The following TANC2 variants were observed in gnomAD, a reference collection of about 807,000 sequenced individuals.
TANC2 encodes tetratricopeptide repeat, ankyrin repeat and coiled-coil containing 2.
In TANC2, 26 loss-of-function variants were observed where a neutral mutation model predicts 210.5. The observed-to-expected ratio is 0.12, with a 90% CI of 0.09 to 0.17. TANC2 has a LOEUF of 0.17. Among genes scored for constraint, TANC2 ranks in the 10% least tolerant of loss-of-function variants. TANC2 has a pLI of 1.00. For synonymous variants in TANC2, 931 were observed against 967.1 expected, an observed-to-expected ratio of 0.96 and a Z score of 0.69; for missense variants, 2,129 against 2,608.9, an observed-to-expected ratio of 0.82 and a Z score of 4.01.
chr17:63,287,220 A>G (rs920042361), intron 9 of TANC2, among the ~76,000 whole-genome samples: 2 of 152,308 alleles, frequency 1.3e-5, no homozygotes, highest in East Asian at 1.9e-4. Context: ...GGTGTGAGTC[A>G]CTGCACCCGC....
At chr17:63,219,562 C>T (rs1433030503) in intron 7 of TANC2, among the ~76,000 whole-genome samples, 1 of 152,194 alleles carries the variant, frequency 6.6e-6, no homozygotes, top group Non-Finnish European at 1.5e-5. Context: ...AGGCACATGC[C>T]ACCATGCCCG....
At chr17:63,110,060 C>T (rs2037975830) in intron 4 of TANC2, among the ~76,000 whole-genome samples, 1 of 151,676 alleles carries the variant, frequency 6.6e-6, no homozygotes, top group African/African-American at 2.4e-5. Context: ...TGAAAATGGG[C>T]ATGAGATTAC....
chr17:63,353,895 C>T (rs2046699669), intron 13 of TANC2, among the ~76,000 whole-genome samples: 1 of 151,978 alleles, frequency 6.6e-6, no homozygotes, highest in African/African-American at 2.4e-5. Context: ...ATGCCCTTGA[C>T]AAGAACCATT....
intron 14 of TANC2, among the ~76,000 whole-genome samples, chr17:63,372,092 C>G (rs570755610): frequency 2.0e-5 from 3 of 152,334 alleles, no homozygotes; most frequent in African/African-American, 7.2e-5. Flanking sequence ...GACCTGTGAT[C>G]AACTTTCTCC....
intron 4 of TANC2, among the ~76,000 whole-genome samples, chr17:63,112,841 G>C (rs929011693): frequency 4.6e-5 from 7 of 152,164 alleles, no homozygotes; most frequent in Non-Finnish European, 7.3e-5. Context: ...TTGGGTATCA[G>C]TTTTAAACAT....
chr17:63,007,069 A>G (rs977457061), intron 1 of TANC2, among the ~76,000 whole-genome samples: 1 of 151,692 alleles, frequency 6.6e-6, no homozygotes, highest in Admixed American at 6.6e-5. Flanking sequence ...TTAAAAAAAA[A>G]ATGAGAAAAA....
At chr17:63,363,041 CCTGT>C (rs1417293300) in intron 14 of TANC2, among the ~76,000 whole-genome samples, 1 of 152,158 alleles carries the variant, frequency 6.6e-6, no homozygotes, top group Non-Finnish European at 1.5e-5. Context: ...TTGTTAATTG[CCTGT>C]CTTTTGGATA....
At position 63,418,377 on chromosome 17, in the gene TANC2, A is replaced by G. The variant is rs1187944657; in HGVS notation, c.4238A>G (p.Tyr1413Cys). 1.9e-6 allele frequency: 3 copies of G among 1,612,928 alleles called. No individual in the cohort carries two copies. The highest frequency in any genetic ancestry group is 1.1e-5 in the South Asian group (1 of 90,560). ...AAACCGAAATCTTATGAAGCTTACT[A>G]TGCGAGAGCAAGGGCAAAACGCAGC... The change falls in exon 27 of 28, where the codon TAT becomes TGT. Residue 1413 changes from tyrosine (Y) to cysteine (C), a missense_variant. Around this residue, in one of 5 missense-constraint regions of TANC2, gnomAD observed 644 missense variants for 937.5 expected, o/e 0.69. Coordinates refer to ENST00000689528, the Ensembl canonical transcript of TANC2. The surrounding 1 kb of genome is among the most constrained non-coding windows in gnomAD (Gnocchi z 4.6).
At chr17:63,036,834 C>CTA (rs527874353) in intron 2 of TANC2, among the ~76,000 whole-genome samples, 81 of 149,482 alleles carry the variant, frequency 5.4e-4, no homozygotes, top group African/African-American at 2.0e-3. Flanking sequence ...TTTCATTAGA[C>CTA]TTACATGTAA....
At chr17:63,257,417 G>C (rs533073959) in intron 8 of TANC2, among the ~76,000 whole-genome samples, 2 of 152,080 alleles carry the variant, frequency 1.3e-5, no homozygotes, top group Admixed American at 1.3e-4. Context: ...GAGTGCAGTG[G>C]CGTGTTCTTA....
At chr17:63,207,018 C>A (rs1306019537) in intron 7 of TANC2, among the ~76,000 whole-genome samples, 1 of 151,926 alleles carries the variant, frequency 6.6e-6, no homozygotes, top group Non-Finnish European at 1.5e-5. Flanking sequence ...ATGCTAAAGC[C>A]TTCTTCTGTA....
intron 8 of TANC2, among the ~76,000 whole-genome samples, chr17:63,261,271 A>G (rs1348234963): frequency 6.6e-6 from 1 of 152,150 alleles, no homozygotes; most frequent in Non-Finnish European, 1.5e-5. Flanking sequence ...ATCATTAACT[A>G]GGTTTAAAGA....
intron 1 of TANC2, among the ~76,000 whole-genome samples, chr17:63,006,164 C>T (rs1014683770): frequency 2.7e-4 from 41 of 151,742 alleles, no homozygotes; most frequent in African/African-American, 9.2e-4. Flanking sequence ...TTTCTTTTTT[C>T]TTTCCTCAAT....
intron 9 of TANC2, among the ~76,000 whole-genome samples, chr17:63,297,103 C>T (rs2044559965): frequency 6.6e-6 from 1 of 152,136 alleles, no homozygotes; most frequent in Non-Finnish European, 1.5e-5. Flanking sequence ...CTTCTATATA[C>T]TGTATTAATG....
At position 63,341,535 on chromosome 17, in the gene TANC2, A is replaced by G. The variant is rs1567932551; in HGVS notation, c.1807+1203A>G. Among the ~76,000 whole-genome samples the G allele has an allele frequency of 1.3e-5, 2 of 152,304 alleles. 1 individual carries two copies. Among genetic ancestry groups the G allele is most frequent in the Non-Finnish European group, 2.9e-5 (2 of 68,016 alleles). On this transcript the variant is annotated intron_variant, in intron 12 of 27. Transcript: ENST00000689528. ...GCTCTTTCCACATCATGACACACTT[A>G]CAAAATAATAAAACTTTGTATAGCA...
intron 17 of TANC2, among the ~76,000 whole-genome samples, chr17:63,394,852 C>T (rs1199690981): frequency 2.0e-5 from 3 of 152,192 alleles, no homozygotes; most frequent in Non-Finnish European, 4.4e-5. Context: ...GTTGGAGAGT[C>T]CTTGAGAGCA....
chr17:63,283,220 T>G (rs1445317920), intron 9 of TANC2, among the ~76,000 whole-genome samples: 2 of 151,990 alleles, frequency 1.3e-5, no homozygotes, highest in African/African-American at 4.8e-5. Flanking sequence ...CCATTTGTTG[T>G]AAAGACTATT....
In TANC2 at chr17:63,258,689, C is replaced by T. The variant is rs531212570; in HGVS notation, c.1034-9059C>T. On this transcript the variant is annotated intron_variant, in intron 8 of 27. Transcript: ENST00000689528. ...CAAGGCCCAAGAGCTCTTCATTCAG[C>T]TTGTGGTGAATGCTGCTAGGCCTGG... Among the ~76,000 whole-genome samples, 9 of 151,944 alleles carry T rather than the reference C, an allele frequency of 5.9e-5. No individual in the cohort carries two copies. In the East Asian group the frequency reaches 1.7e-3, roughly 29 times the overall value.
At chr17:63,282,697 G>A (rs946880958) in intron 9 of TANC2, among the ~76,000 whole-genome samples, 5 of 151,990 alleles carry the variant, frequency 3.3e-5, no homozygotes, top group African/African-American at 9.7e-5. Flanking sequence ...GGTACACAGC[G>A]TGGTCAATCT....
Sources: gnomAD v4.1 joint callset for allele counts (sites outside exome capture counted in the v4.1 genomes callset) on GRCh38, gnomAD v4.1.1 for gene constraint, gnomAD v4.1.1 regional missense constraint, Gnocchi (gnomAD v3.1) non-coding constraint, MANE v1.5 for transcripts, NCBI Gene and HGNC (gene_info 2026-07-23, HGNC 2026-07-21) for gene names.